The following ASTN1 variants were observed in gnomAD, a reference collection of about 807,000 sequenced individuals.
ASTN1 encodes astrotactin 1.
Under a neutral mutation model 140.7 loss-of-function variants are expected in ASTN1, and 41 were observed. The ratio of observed to expected loss-of-function variants is 0.29; its 90% CI spans 0.23 to 0.38. The LOEUF is 0.38. Among genes scored for constraint, ASTN1 ranks in the 10% least tolerant of loss-of-function variants. ASTN1 has a pLI of 1.00. For missense variants in ASTN1, 1,479 were observed against 1,678.8 expected, an observed-to-expected ratio of 0.88 and a Z score of 2.08; for synonymous variants, 640 against 652.2, an observed-to-expected ratio of 0.98 and a Z score of 0.29.
chr1:177,014,930 G>A (rs1195821016), intron 7 of ASTN1, 55 bp from the exon 8 acceptor site: 13 of 1,472,906 alleles, frequency 8.8e-6, no homozygotes, highest in South Asian at 1.2e-5. Flanking sequence ...TGATTAACAT[G>A]TCTGTGTTTG....
chr1:177,111,122 T>C (rs1680805841), intron 1 of ASTN1, among the ~76,000 whole-genome samples: 1 of 152,334 alleles, frequency 6.6e-6, no homozygotes, highest in East Asian at 1.9e-4. Flanking sequence ...GTTGGGACAC[T>C]AACATTTGTT....
intron 1 of ASTN1, among the ~76,000 whole-genome samples, chr1:177,082,789 A>T (rs139984984): frequency 7.2e-4 from 109 of 152,318 alleles, no homozygotes; most frequent in African/African-American, 2.4e-3. Context: ...CTGCCGCCAT[A>T]GATTATGCCT....
intron 16 of ASTN1, among the ~76,000 whole-genome samples, chr1:176,914,579 A>G (rs1670401583): frequency 2.0e-5 from 3 of 152,334 alleles, no homozygotes; most frequent in South Asian, 4.1e-4. Context: ...AGGAATTTTG[A>G]GCCTGAAGCA....
intron 16 of ASTN1, among the ~76,000 whole-genome samples, chr1:176,917,783 A>G (rs1473913492): frequency 1.3e-5 from 2 of 152,094 alleles, no homozygotes; most frequent in Admixed American, 6.5e-5. Context: ...CACCTTGGAG[A>G]CACCTCAAGG....
At chr1:177,029,249 G>A in intron 5 of ASTN1, 1 of 461,508 alleles carries the variant, frequency 2.2e-6, no homozygotes, top group Non-Finnish European at 4.5e-6. Context: ...CAAGGCCAAT[G>A]TGGTAGAGGA....
intron 1 of ASTN1, among the ~76,000 whole-genome samples, chr1:177,113,825 T>A (rs1162773178): frequency 6.6e-6 from 1 of 152,212 alleles, no homozygotes; most frequent in East Asian, 1.9e-4. Flanking sequence ...TTAGTGGGTA[T>A]GGAGAGAGTG....
At chr1:176,978,548 G>A (rs1317357517) in intron 8 of ASTN1, among the ~76,000 whole-genome samples, 2 of 152,192 alleles carry the variant, frequency 1.3e-5, no homozygotes, top group East Asian at 1.9e-4. Context: ...TGGCCTCAGA[G>A]TTTTGAGCTA....
chr1:177,026,519 T>G (rs1676120611), intron 5 of ASTN1, among the ~76,000 whole-genome samples: 1 of 152,198 alleles, frequency 6.6e-6, no homozygotes, highest in South Asian at 2.1e-4. Context: ...CTTTAGGGTA[T>G]GTTCCCAGCA....
intron 14 of ASTN1, among the ~76,000 whole-genome samples, chr1:176,941,462 A>G (rs1671709393): frequency 6.6e-6 from 1 of 152,196 alleles, no homozygotes; most frequent in Non-Finnish European, 1.5e-5. Flanking sequence ...CCTCGGGATC[A>G]TCAAAATAAA....
At chr1:176,956,684 CTT>C (rs946026383) in intron 11 of ASTN1, among the ~76,000 whole-genome samples, 5 of 152,180 alleles carry the variant, frequency 3.3e-5, no homozygotes, top group African/African-American at 1.2e-4. Context: ...CCTCTCCTCT[CTT>C]GAGGACTACA....
chr1:176,979,973 A>G (rs189792283), intron 8 of ASTN1, among the ~76,000 whole-genome samples: 20 of 152,328 alleles, frequency 1.3e-4, no homozygotes, highest in African/African-American at 4.6e-4. Context: ...ATTAAAGACA[A>G]TAAGTGTATG....
At chr1:177,054,476 T>A (rs1295686079) in intron 2 of ASTN1, among the ~76,000 whole-genome samples, 1 of 152,172 alleles carries the variant, frequency 6.6e-6, no homozygotes, top group Admixed American at 6.5e-5. Context: ...CAGCCTCTGC[T>A]AAAGGAAACG....
chr1:177,015,593 T>G (rs919748289), intron 7 of ASTN1, among the ~76,000 whole-genome samples: 1 of 152,202 alleles, frequency 6.6e-6, no homozygotes, highest in African/African-American at 2.4e-5. Flanking sequence ...CCACATTTAT[T>G]TAGGATATCA....
chr1:177,032,189 A>G (rs1178398260), intron 3 of ASTN1, among the ~76,000 whole-genome samples: 1 of 152,030 alleles, frequency 6.6e-6, no homozygotes, highest in East Asian at 1.9e-4. Flanking sequence ...GCTCTAACTC[A>G]CTCCTCTGTT....
Position 176,915,565 on chromosome 1 carries a change from C to T in ASTN1, c.2671+18587G>A, listed in dbSNP as rs937296140. ...CAGGATATCATGCATCCTGGGCCTGCTGACACCAGCTTCCAATCTATTGGC... is the reference window on the plus strand; with the variant it reads ...CAGGATATCATGCATCCTGGGCCTGTTGACACCAGCTTCCAATCTATTGGC... On this transcript the variant is annotated intron_variant, in intron 16 of 22. Coordinates refer to ENST00000361833, the MANE Select transcript of ASTN1 (RefSeq NM_004319.3). Among the ~76,000 whole-genome samples the T allele has an allele frequency of 5.9e-5, 9 of 152,330 alleles. 2 individuals carry two copies. The highest frequency in any genetic ancestry group is 1.3e-4 in the Admixed American group (2 of 15,304).
chr1:176,977,149 A>T (rs1023398012), intron 8 of ASTN1, among the ~76,000 whole-genome samples: 5 of 152,238 alleles, frequency 3.3e-5, no homozygotes, highest in African/African-American at 4.8e-5. Flanking sequence ...AAAATAAGGA[A>T]ACCGGGGAAG....
intron 8 of ASTN1, among the ~76,000 whole-genome samples, chr1:176,980,568 G>C (rs1673567146): frequency 6.6e-6 from 1 of 152,066 alleles, no homozygotes; most frequent in Admixed American, 6.6e-5. Context: ...AAAATAAAAG[G>C]GACAGGGATT....
intron 1 of ASTN1, among the ~76,000 whole-genome samples, chr1:177,142,670 T>C (rs1682525755): frequency 6.6e-6 from 1 of 152,214 alleles, no homozygotes; most frequent in Admixed American, 6.5e-5. Flanking sequence ...AGACTGAGTC[T>C]ACTTTCACTA....
Position 176,861,414 on chromosome 1 carries a change from G to C in ASTN1, c.*2870C>G. ...CTGGGAGAGTGTTGGTGGGATATAA[G>C]CACCTCCCTTAAGACCTGTTTGGCA... On this transcript the variant is annotated 3_prime_UTR_variant, in exon 23 of 23. Coordinates refer to ENST00000361833, the MANE Select transcript of ASTN1 (RefSeq NM_004319.3). 1 of 985,830 alleles carries C rather than the reference G, an allele frequency of 1.0e-6. No individual in the cohort carries two copies. The highest frequency in any genetic ancestry group is 4.7e-5 in the South Asian group (1 of 21,280). The allele number at this position is 985,830 out of a possible 1,614,324, so 61.1% of individuals were successfully genotyped here.
Sources: allele counts gnomAD v4.1 joint callset (sites outside exome capture counted in the v4.1 genomes callset), GRCh38; gene constraint gnomAD v4.1.1; transcripts MANE v1.5; gene names NCBI Gene and HGNC (gene_info 2026-07-23, HGNC 2026-07-21).